The following ABCC4 variants were observed in gnomAD, a reference collection of about 807,000 sequenced individuals.
ABCC4 encodes ATP binding cassette subfamily C member 4 (PEL blood group), also known as ATP-binding cassette sub-family C member 4.
ABCC4 carries 102 observed loss-of-function variants against 168.5 expected under a neutral mutation model. That is an observed-to-expected ratio of 0.61 (90% CI 0.52 to 0.71). The LOEUF is 0.71. ABCC4 is among the 30% of genes least tolerant of loss of function. The pLI is 0.00. For missense variants in ABCC4, 1,402 were observed against 1,605.8 expected (o/e 0.87, Z 2.17); for synonymous variants, 617 against 590.7 (o/e 1.04, Z -0.65).
chr13:95,054,021 C>CTTTTTTTTTTCT (rs2032958496), intron 26 of ABCC4: 1 of 71,628 alleles, frequency 1.4e-5, no homozygotes, highest in African/African-American at 7.3e-5. Flanking sequence ...ATGGGACATC[C>CTTTTTTTTTTCT]TTTTTTTTTT....
At chr13:95,227,429 T>C (rs1318330123) in intron 4 of ABCC4, among the ~76,000 whole-genome samples, 2 of 152,170 alleles carry the variant, frequency 1.3e-5, no homozygotes, top group Non-Finnish European at 2.9e-5. Flanking sequence ...GAAACAAAAA[T>C]TTTAACGTAT....
At chr13:95,100,217 T>C (rs1368033966) in intron 20 of ABCC4, among the ~76,000 whole-genome samples, 1 of 152,180 alleles carries the variant, frequency 6.6e-6, no homozygotes, top group Non-Finnish European at 1.5e-5. Flanking sequence ...GAATGGAAAG[T>C]TCTATGCTCT....
intron 4 of ABCC4, among the ~76,000 whole-genome samples, chr13:95,232,653 G>A (rs577046535): frequency 5.4e-4 from 81 of 151,358 alleles, no homozygotes; most frequent in Non-Finnish European, 9.0e-4. Flanking sequence ...CTCCAGCCTG[G>A]GCGACAGAGC....
chr13:95,152,355 A>T (rs923541254), intron 19 of ABCC4, among the ~76,000 whole-genome samples: 1 of 152,200 alleles, frequency 6.6e-6, no homozygotes, highest in Non-Finnish European at 1.5e-5. Context: ...GGTGTTGCTT[A>T]AAGAGATGCA....
Position 95,234,736 on chromosome 13 carries a change from G to A in ABCC4, c.405C>T (p.Tyr135=), listed in dbSNP as rs377329016. Residue 135 remains tyrosine, a synonymous_variant, in exon 4 of 31, where the codon TAC becomes TAT. Transcript: ENST00000645237. ...PMDSVALNTA[Y]AYATVLTFCT... ...AAAAAGTCAGCACCGTGGCATAGGCGTACGCTGTGTTCAAAGCCACAGAAT... is the reference window on the plus strand; with the variant it reads ...AAAAAGTCAGCACCGTGGCATAGGCATACGCTGTGTTCAAAGCCACAGAAT... 52 of 1,613,818 alleles carry A rather than the reference G, an allele frequency of 3.2e-5. No individual in the cohort carries two copies. Among genetic ancestry groups the A allele is most frequent in the South Asian group, 1.5e-4 (14 of 91,054 alleles).
chr13:95,071,544 C>A, intron 25 of ABCC4, 118 bp downstream of exon 25: 1 of 894,618 alleles, frequency 1.1e-6, no homozygotes. Context: ...TGGTTAGTTT[C>A]CAAGACAGGT....
At position 95,083,211 on chromosome 13, in the gene ABCC4, C is replaced by T; in HGVS notation, c.2615G>A (p.Gly872Glu). Residue 872 changes from glycine (G) to glutamate (E), a missense_variant, in exon 21 of 31, where the codon GGA becomes GAA. Coordinates refer to ENST00000645237, the MANE Select transcript of ABCC4 (RefSeq NM_005845.5). ...TCGCCGAAGAAAAATGAAAATGATT[C>T]CAAGGGGAACCAAGGGTATTGCGAT... ...PWIAIPLVPLGIIFIFLRRYF... is the reference protein window; with the variant it reads ...PWIAIPLVPLEIIFIFLRRYF... The T allele has an allele frequency of 1.9e-6, 3 of 1,613,930 alleles. No homozygotes were observed. Among genetic ancestry groups the T allele is most frequent in the Non-Finnish European group, 2.5e-6 (3 of 1,179,944 alleles).
intron 3 of ABCC4, among the ~76,000 whole-genome samples, chr13:95,244,418 A>C (rs1024390570): frequency 6.6e-6 from 1 of 151,204 alleles, no homozygotes; most frequent in African/African-American, 2.4e-5. Context: ...CAACATAGTG[A>C]AACAAAAATA....
Position 95,212,172 on chromosome 13 carries a change from CA to C in ABCC4, c.532-1392del, listed in dbSNP as rs61656577. Among the ~76,000 whole-genome samples, 51 of 123,182 alleles carry C rather than the reference CA, an allele frequency of 4.1e-4. 1 individual carries two copies. The highest frequency in any genetic ancestry group is 1.2e-3 in the African/African-American group (40 of 32,148). The allele number at this position is 123,182 out of a possible 152,430, so 80.8% of individuals were successfully genotyped here. On this transcript the variant is annotated intron_variant, in intron 4 of 30. Transcript: ENST00000645237. The stretch of plus-strand genomic sequence containing the variant: ...TCTGGGTGACAGAGTGAGACTGTCT[CA>C]AAAAAAAAAAAATTAAAAAATGCTA...
intron 28 of ABCC4, 115 bp from the exon 29 acceptor site, chr13:95,043,902 G>A (rs2032468548): frequency 1.5e-6 from 1 of 670,476 alleles, no homozygotes; most frequent in South Asian, 2.4e-5. Context: ...TCTATTTAAT[G>A]TTTTAAAAAT....
intron 1 of ABCC4, among the ~76,000 whole-genome samples, chr13:95,280,125 T>C (rs2041079248): frequency 6.6e-6 from 1 of 152,050 alleles, no homozygotes; most frequent in South Asian, 2.1e-4. Context: ...AGTATAACTA[T>C]CCAAGAGAAG....
chr13:95,293,000 A>G (rs2041440993), intron 1 of ABCC4, among the ~76,000 whole-genome samples: 1 of 152,128 alleles, frequency 6.6e-6, no homozygotes, highest in Non-Finnish European at 1.5e-5. Flanking sequence ...GCTGGCAGGG[A>G]CGACATAGCG....
In ABCC4 at chr13:95,133,557, G is replaced by A. The variant is rs180901461; in HGVS notation, c.2456-17556C>T. The stretch of plus-strand genomic sequence containing the variant: ...CAGCACCCAATTTGCCTGGGTCACA[G>A]AGGAGGTACCTGCTGTGGTAGCCCC... On this transcript the variant is annotated intron_variant, in intron 19 of 30. Coordinates refer to ENST00000645237, the MANE Select transcript of ABCC4 (RefSeq NM_005845.5). Among the ~76,000 whole-genome samples, 119 of 152,294 alleles carry A rather than the reference G, an allele frequency of 7.8e-4. 2 individuals are homozygous for A. The East Asian group carries it at 0.014, about 18-fold the overall frequency.
chr13:95,157,315 T>C (rs1274673868), intron 19 of ABCC4, among the ~76,000 whole-genome samples: 1 of 148,354 alleles, frequency 6.7e-6, no homozygotes, highest in African/African-American at 2.5e-5. Context: ...GGTAAAACCC[T>C]GTCTCTACTA....
At chr13:95,065,393 C>G (rs1195592744) in intron 25 of ABCC4, among the ~76,000 whole-genome samples, 1 of 152,158 alleles carries the variant, frequency 6.6e-6, no homozygotes, top group Non-Finnish European at 1.5e-5. Context: ...ATGTTAATAC[C>G]TTTTCTTTCT....
intron 1 of ABCC4, among the ~76,000 whole-genome samples, chr13:95,255,498 G>A (rs994260834): frequency 1.3e-5 from 2 of 152,158 alleles, no homozygotes; most frequent in African/African-American, 4.8e-5. Context: ...TCGCGTGAGG[G>A]TAGAGCACCC....
intron 4 of ABCC4, among the ~76,000 whole-genome samples, chr13:95,233,048 T>C (rs889361965): frequency 6.6e-6 from 1 of 152,204 alleles, no homozygotes; most frequent in Non-Finnish European, 1.5e-5. Context: ...ATTGTGTCTG[T>C]ACTGAACACA....
At chr13:95,171,097 G>T (rs1431039262) in intron 13 of ABCC4, among the ~76,000 whole-genome samples, 3 of 114,488 alleles carry the variant, frequency 2.6e-5, no homozygotes, top group African/African-American at 3.5e-5. Flanking sequence ...GGTAACCTTT[G>T]CCAGAGTGCA....
intron 29 of ABCC4, among the ~76,000 whole-genome samples, chr13:95,037,869 T>TTTG (rs1238564009): frequency 2.6e-5 from 4 of 152,100 alleles, no homozygotes; most frequent in Non-Finnish European, 4.4e-5. Flanking sequence ...AGACAAATTT[T>TTTG]TTGTTGTTGT....
Sources: gnomAD v4.1 joint callset for allele counts (sites outside exome capture counted in the v4.1 genomes callset) on GRCh38, gnomAD v4.1.1 for gene constraint, MANE v1.5 for transcripts, NCBI Gene and HGNC (gene_info 2026-07-23, HGNC 2026-07-21) for gene names.